CYP4F8: variants seen among roughly 807,000 people sequenced by gnomAD.
CYP4F8 encodes cytochrome P450 family 4 subfamily F member 8.
Under a neutral mutation model 55.0 loss-of-function variants are expected in CYP4F8, and 56 were observed. That is an observed-to-expected ratio of 1.02 (90% CI 0.82 to 1.27). The LOEUF is 1.27. CYP4F8 is among the 50% of genes most tolerant of loss of function. CYP4F8 has a pLI of 0.00. For missense variants in CYP4F8, 680 were observed against 682.4 expected, an observed-to-expected ratio of 1.00 and a Z score of 0.04; for synonymous variants, 288 against 267.3, an observed-to-expected ratio of 1.08 and a Z score of -0.76.
At position 15,619,439 on chromosome 19, in the gene CYP4F8, G is replaced by T. The variant is rs1972164517; in HGVS notation, c.344-51G>T. 9 of 1,609,382 alleles carry T rather than the reference G, an allele frequency of 5.6e-6. No homozygotes were observed. The South Asian group carries it at 8.8e-5, about 16-fold the overall frequency. ...CTGGGAGCCACCCTCCATACCCAAA[G>T]TCCCTCCTCTATTCCTCTCCATGGA... On this transcript the variant is annotated intron_variant, in intron 3 of 12. Coordinates refer to ENST00000612078, the MANE Select transcript of CYP4F8 (RefSeq NM_007253.4).
At chr19:15,626,811 T>C (rs1383661087) in intron 9 of CYP4F8, among the ~76,000 whole-genome samples, 3 of 152,192 alleles carry the variant, frequency 2.0e-5, no homozygotes, top group African/African-American at 7.2e-5. Context: ...GTCACAAAAA[T>C]TTCTCCTATG....
intron 6 of CYP4F8, among the ~76,000 whole-genome samples, chr19:15,622,582 A>T (rs558901924): frequency 6.6e-6 from 1 of 152,256 alleles, no homozygotes; most frequent in East Asian, 1.9e-4. Context: ...TGCAACAGGC[A>T]GTTGGGAGAC....
Position 15,615,778 on chromosome 19 carries a change from C to T in CYP4F8, c.162C>T (p.Pro54=), listed in dbSNP as rs11673150. Residue 54 remains proline (P), a synonymous_variant, in exon 2 of 13, where the codon CCC becomes CCT. Transcript: ENST00000612078. ...GCCGCCTCCGGTGTTTCCCGCAGCCCCGGAAACAGAACTGGTTCTTGGGTC... is the reference window on the plus strand; with the variant it reads ...GCCGCCTCCGGTGTTTCCCGCAGCCTCGGAAACAGAACTGGTTCTTGGGTC... The part of the protein sequence containing the change: ...NGRRLRCFPQ[P]RKQNWFLGHL... The T allele has an allele frequency of 3.3e-5, 54 of 1,613,660 alleles. No homozygotes were observed. Among genetic ancestry groups the T allele is most frequent in the South Asian group, 2.9e-4 (26 of 91,064 alleles).
chr19:15,619,172 T>C (rs972993432), intron 3 of CYP4F8: 5 of 283,508 alleles, frequency 1.8e-5, no homozygotes, highest in Non-Finnish European at 3.3e-5. Flanking sequence ...TTAACTCTTA[T>C]TCTGTAAATG....
rs1377661368 is a variant in CYP4F8, at chr19:15,628,521, T to C, written c.1250-10T>C. 1.2e-6 allele frequency: 2 copies of C among 1,613,822 alleles called. No homozygotes were observed. The highest frequency in any genetic ancestry group is 2.2e-5 in the South Asian group (2 of 91,068). On this transcript the variant is annotated splice_polypyrimidine_tract_variant and intron_variant, in intron 10 of 12. Transcript: ENST00000612078. ...GGACCTTGTTCTTACTGTCCTCTCC[T>C]GCACGACAGGGAATGTCTGTAACAT...
Position 15,628,766 on chromosome 19 carries a change from T to C in CYP4F8, c.1320T>C (p.Tyr440=), listed in dbSNP as rs371603851. 25 of 1,613,258 alleles carry C rather than the reference T, an allele frequency of 1.5e-5. No individual in the cohort carries two copies. The African/African-American group carries it at 1.7e-4, about 11-fold the overall frequency. ...TTAACTTGCCTCCACCCCAGGTCTA[T>C]GACCCCTTCCGCTTCGACCCAGAAA... ...NPSVWPDPEV[Y]DPFRFDPENA... The change falls in exon 12 of 13, where the codon TAT becomes TAC. Residue 440 remains tyrosine (Y), a synonymous_variant. Coordinates refer to ENST00000612078, the MANE Select transcript of CYP4F8 (RefSeq NM_007253.4).
At position 15,629,984 on chromosome 19, in the gene CYP4F8, C is replaced by T. The variant is rs1972315504; in HGVS notation, c.*626C>T. On this transcript the variant is annotated 3_prime_UTR_variant, in exon 13 of 13. Transcript: ENST00000612078. ...TCCTGGGTTCAAGTGATTCTCCTGACTCAGTCGCCTGAGTAGATAGGATAA... is the reference window on the plus strand; with the variant it reads ...TCCTGGGTTCAAGTGATTCTCCTGATTCAGTCGCCTGAGTAGATAGGATAA... 6.6e-6 allele frequency: 1 copy of T among 151,852 alleles called. No individual in the cohort carries two copies. The highest frequency in any genetic ancestry group is 2.1e-4 in the South Asian group (1 of 4,824). The allele number at this position is 151,852 out of a possible 1,614,324, so 9.4% of individuals were successfully genotyped here.
rs201022239 is a variant in CYP4F8, at chr19:15,622,227, G to A, written c.534G>A (p.Trp178Ter). 9.9e-5 allele frequency: 160 copies of A among 1,613,322 alleles called. No individual in the cohort carries two copies. In the African/African-American group the frequency reaches 1.8e-3, roughly 18 times the overall value. Residue 178 changes from tryptophan (W) to a stop codon, truncating the protein, a stop_gained, in exon 6 of 13, where the codon TGG (tryptophan) becomes TGA (stop). Coordinates refer to ENST00000612078, the MANE Select transcript of CYP4F8 (RefSeq NM_007253.4). LOFTEE classifies it high-confidence loss of function. ...CTCCCTTCTCTGGCCAGGCCAAGTG[G>A]CAACGCCTGGCCATGGAGGGCAGCA... is the stretch of plus-strand genomic sequence containing the variant. ...SKSANIMHAKWQRLAMEGSTC... is the reference protein window; with the variant it reads ...SKSANIMHAK
chr19:15,624,115 CTCTGCCTT>C (rs768429639), intron 9 of CYP4F8, 21 bp downstream of exon 9: 2 of 1,609,238 alleles, frequency 1.2e-6, no homozygotes, highest in East Asian at 2.2e-5. Context: ...GTGCTGGTGG[CTCTGCCTT>C]TCTGCCTTTC....
rs779033704 is a variant in CYP4F8, at chr19:15,624,081, A to G, written c.1102A>G (p.Lys368Glu). The G allele has an allele frequency of 3.7e-6, 6 of 1,613,918 alleles. No homozygotes were observed. The African/African-American group carries it at 6.7e-5, about 18-fold the overall frequency. Residue 368 changes from lysine (K) to glutamate (E), a missense_variant, in exon 9 of 13, where the codon AAA (lysine) becomes GAA (glutamate). Lys to Glu is a moderately conservative substitution (Grantham distance 56). Transcript: ENST00000612078. Reference protein sequence around the residue: ...VQELLKDREPKEIEWDDLAQL... With the variant: ...VQELLKDREPEEIEWDDLAQL... ...AGAGCTTCTGAAGGACCGTGAGCCT[A>G]AAGAGATTGAATGGTGAGTGCAGGT...
intron 9 of CYP4F8, among the ~76,000 whole-genome samples, chr19:15,626,614 T>TATCTATC (rs1972265547): frequency 2.1e-5 from 3 of 142,426 alleles, no homozygotes; most frequent in Admixed American, 7.2e-5. Flanking sequence ...GATATCTATC[T>TATCTATC]ATCTATCTAT....
At chr19:15,620,083 G>A (rs537987427) in intron 5 of CYP4F8, among the ~76,000 whole-genome samples, 259 of 152,324 alleles carry the variant, frequency 1.7e-3, no homozygotes, top group African/African-American at 6.0e-3. Context: ...AAACTAATTG[G>A]TTTAGAGCAA....
At chr19:15,626,305 G>A (rs567638609) in intron 9 of CYP4F8, among the ~76,000 whole-genome samples, 67 of 152,108 alleles carry the variant, frequency 4.4e-4, no homozygotes, top group Admixed American at 2.4e-3. Flanking sequence ...CTTCCATATT[G>A]GCAGCTTCTG....
At chr19:15,623,556 A>G in intron 7 of CYP4F8, 143 bp from the exon 8 acceptor site, 1 of 994,538 alleles carries the variant, frequency 1.0e-6, no homozygotes, top group East Asian at 2.6e-5. Context: ...GGAAGAACAA[A>G]CAGGAGGTCG....
chr19:15,622,406 G>T, intron 6 of CYP4F8, 66 bp downstream of exon 6: 2 of 1,589,548 alleles, frequency 1.3e-6, no homozygotes, highest in Non-Finnish European at 1.7e-6. Flanking sequence ...GGAGAGCAAA[G>T]CCCAGGGAGA....
At chr19:15,626,751 A>G (rs895541345) in intron 9 of CYP4F8, among the ~76,000 whole-genome samples, 4 of 152,090 alleles carry the variant, frequency 2.6e-5, no homozygotes, top group African/African-American at 9.7e-5. Context: ...TTTATCCTTT[A>G]TATTTTATCT....
rs750596559 is a variant in CYP4F8, at chr19:15,618,102, T to G, written c.301T>G (p.Leu101Val). ...GGGCCCCATCACTCCCATCATCAACTTGTGCCACCCTGACATCGTCCGATC... is the reference window on the plus strand; with the variant it reads ...GGGCCCCATCACTCCCATCATCAACGTGTGCCACCCTGACATCGTCCGATC... ...WLGPITPIIN[L>V]CHPDIVRSVI... The change falls in exon 3 of 13, where the codon TTG becomes GTG. Residue 101 changes from leucine (L) to valine (V), a missense_variant. Coordinates refer to ENST00000612078, the MANE Select transcript of CYP4F8 (RefSeq NM_007253.4). 2 of 1,614,032 alleles carry G rather than the reference T, an allele frequency of 1.2e-6. No homozygotes were observed. The highest frequency in any genetic ancestry group is 2.2e-5 in the East Asian group (1 of 44,868).
chr19:15,617,483 C>CATCCATCTATCT (rs953653615), intron 2 of CYP4F8, among the ~76,000 whole-genome samples: 5 of 149,564 alleles, frequency 3.3e-5, no homozygotes, highest in Non-Finnish European at 7.4e-5. Flanking sequence ...TCAATATCTA[C>CATCCATCTATCT]ATCTATCTAT....
chr19:15,629,217 G>T lies in CYP4F8; in HGVS notation c.1422G>T (p.Ala474=), dbSNP rs752612660. Residue 474 remains alanine (A), a synonymous_variant, in exon 13 of 13, where the codon GCG becomes GCT. Coordinates refer to ENST00000612078, the MANE Select transcript of CYP4F8 (RefSeq NM_007253.4). ...GPRNCIGQKF[A]MAEMKVVLAL... is the part of the protein sequence containing the mutation. ...GGAACTGCATCGGGCAGAAGTTCGC[G>T]ATGGCAGAGATGAAGGTGGTCCTGG... 2 of 1,611,686 alleles carry T rather than the reference G, an allele frequency of 1.2e-6. No individual in the cohort carries two copies. The highest frequency in any genetic ancestry group is 1.1e-5 in the South Asian group (1 of 90,670).
Sources: allele counts gnomAD v4.1 joint callset (sites outside exome capture counted in the v4.1 genomes callset), GRCh38; gene constraint gnomAD v4.1.1; transcripts MANE v1.5; gene names NCBI Gene and HGNC (gene_info 2026-07-23, HGNC 2026-07-21).